Variants in TBC1D2B observed in about 807,000 individuals in gnomAD.
TBC1D2B encodes the protein TBC1 domain family member 2B, also known as TBC1 domain family, member 2B.
A neutral mutation model predicts 100.8 loss-of-function variants in TBC1D2B; 64 were observed. The observed-to-expected ratio is 0.64, with a 90% CI of 0.52 to 0.78. TBC1D2B has a LOEUF of 0.78. TBC1D2B is among the 30% of genes least tolerant of loss of function. The pLI is 0.00. For missense variants in TBC1D2B, 1,052 were observed against 1,218.4 expected (o/e 0.86, Z 2.03); for synonymous variants, 480 against 479.7 (o/e 1.00, Z -0.01).
chr15:78,054,562 C>T (rs1231304447), intron 1 of TBC1D2B, among the ~76,000 whole-genome samples: 1 of 152,182 alleles, frequency 6.6e-6, no homozygotes, highest in Non-Finnish European at 1.5e-5. Flanking sequence ...GACGGCCTTG[C>T]CAAATCACAT....
chr15:78,040,878 GAA>G (rs1239167237), intron 3 of TBC1D2B, among the ~76,000 whole-genome samples: 1 of 145,312 alleles, frequency 6.9e-6, no homozygotes, highest in African/African-American at 2.7e-5. Context: ...AAGAAAGAAA[GAA>G]AGAGAGAGAG....
intron 1 of TBC1D2B, among the ~76,000 whole-genome samples, chr15:78,056,912 C>A (rs1454312210): frequency 6.6e-6 from 1 of 152,092 alleles, no homozygotes; most frequent in Non-Finnish European, 1.5e-5. Flanking sequence ...CACAGGTGAG[C>A]TAAGCACCCT....
intron 2 of TBC1D2B, chr15:78,053,715 G>A (rs1355610614): frequency 1.3e-5 from 3 of 234,234 alleles, no homozygotes; most frequent in Non-Finnish European, 2.5e-5. Flanking sequence ...CTAGGCATGA[G>A]TGCTTCATCA....
intron 3 of TBC1D2B, chr15:78,034,352 G>T: frequency 7.2e-6 from 2 of 276,976 alleles, no homozygotes; most frequent in Non-Finnish European, 1.1e-5. Flanking sequence ...CTGGGACACC[G>T]CTGGACCCAC....
chr15:78,042,946 C>G (rs1288302730), intron 3 of TBC1D2B, among the ~76,000 whole-genome samples: 1 of 152,104 alleles, frequency 6.6e-6, no homozygotes, highest in African/African-American at 2.4e-5. Flanking sequence ...AGAGCAGGAC[C>G]AAGAAGGTGG....
At chr15:78,017,821 A>C (rs1360985412) in intron 7 of TBC1D2B, 26 bp downstream of exon 7, 11 of 1,460,740 alleles carry the variant, frequency 7.5e-6, no homozygotes, top group Non-Finnish European at 9.5e-6. Flanking sequence ...CCCACCAGGT[A>C]ATAGAATCCA....
rs1179004807 is a variant in TBC1D2B, at chr15:78,024,521, G to A, written c.1105C>T (p.Gln369Ter). The A allele has an allele frequency of 1.9e-6, 3 of 1,610,838 alleles. No individual in the cohort carries two copies. The highest frequency in any genetic ancestry group is 1.7e-5 in the Admixed American group (1 of 59,896). The change falls in exon 6 of 13, where the codon CAG becomes TAG. Residue 369 changes from glutamine (Q) to a stop codon, truncating the protein, a stop_gained. Coordinates refer to ENST00000300584, the MANE Select transcript of TBC1D2B (RefSeq NM_144572.2). LOFTEE classifies it high-confidence loss of function. ...TACTGGGATGACCGGACTGTCTGCT[G>A]GAGCAGTCGAACAAGCTCCTGGGAG... ...SSQKELVRLL[Q>*]QTVRSSQYDK... is the part of the protein sequence containing the mutation.
intron 1 of TBC1D2B, among the ~76,000 whole-genome samples, chr15:78,061,783 A>G (rs1398320592): frequency 6.6e-6 from 1 of 151,814 alleles, no homozygotes; most frequent in Non-Finnish European, 1.5e-5. Flanking sequence ...AAACCATTAA[A>G]TTAGAAAAAA....
intron 5 of TBC1D2B, 45 bp downstream of exon 5, chr15:78,025,214 G>T: frequency 1.3e-6 from 2 of 1,548,942 alleles, no homozygotes; most frequent in Non-Finnish European, 1.8e-6. Context: ...TCCCGTCCTT[G>T]GCCTGCTGAG....
intron 1 of TBC1D2B, among the ~76,000 whole-genome samples, chr15:78,076,759 T>C (rs1419602685): frequency 1.3e-5 from 2 of 152,122 alleles, no homozygotes; most frequent in African/African-American, 4.8e-5. Context: ...TCAAAAAGAA[T>C]AAATAAACAA....
chr15:78,014,597 G>C lies in TBC1D2B; in HGVS notation c.1776-1280C>G, dbSNP rs1241867486. Among the ~76,000 whole-genome samples, 4 of 152,310 alleles carry C rather than the reference G, an allele frequency of 2.6e-5. No individual in the cohort carries two copies. The East Asian group carries it at 7.7e-4, about 29-fold the overall frequency. On this transcript the variant is annotated intron_variant, in intron 8 of 12. Transcript: ENST00000300584. ...GATTCATACAATGATGTTCTACAAA[G>C]AAGGTAAACATGCTCAGTCGTGTGC...
intron 6 of TBC1D2B, among the ~76,000 whole-genome samples, chr15:78,021,297 A>G (rs1179051785): frequency 6.6e-6 from 1 of 151,762 alleles, no homozygotes; most frequent in East Asian, 1.9e-4. Flanking sequence ...AATTAAAAAT[A>G]TATAAAATAT....
At chr15:78,031,420 G>GT (rs937521251) in intron 3 of TBC1D2B, among the ~76,000 whole-genome samples, 1 of 151,944 alleles carries the variant, frequency 6.6e-6, no homozygotes, top group African/African-American at 2.4e-5. Flanking sequence ...TGGGTGTGGT[G>GT]GTGCACACCT....
rs551605595 is a variant in TBC1D2B, at chr15:77,997,340, A to G, written c.*820T>C. ...CACTGTTTACTTGGAATCCCATCCC[A>G]TCGTACTTGGTGAATGATTTCCACA... On this transcript the variant is annotated 3_prime_UTR_variant, in exon 13 of 13. Coordinates refer to ENST00000300584, the MANE Select transcript of TBC1D2B (RefSeq NM_144572.2). The G allele has an allele frequency of 2.0e-5, 3 of 152,364 alleles. No homozygotes were observed. The highest frequency in any genetic ancestry group is 2.9e-5 in the Non-Finnish European group (2 of 68,038). The allele number at this position is 152,364 out of a possible 1,614,324, so 9.4% of individuals were successfully genotyped here.
intron 4 of TBC1D2B, among the ~76,000 whole-genome samples, chr15:78,027,960 C>A (rs1355182880): frequency 6.6e-6 from 1 of 151,324 alleles, no homozygotes; most frequent in Non-Finnish European, 1.5e-5. Context: ...TCCTATGGAG[C>A]ACAGGTAAGC....
chr15:78,057,784 G>GA (rs967984210), intron 1 of TBC1D2B, among the ~76,000 whole-genome samples: 4 of 152,222 alleles, frequency 2.6e-5, no homozygotes, highest in Non-Finnish European at 5.9e-5. Flanking sequence ...GGCCTTTTCT[G>GA]AAGACAGCTG....
At chr15:78,075,109 C>A (rs964911262) in intron 1 of TBC1D2B, among the ~76,000 whole-genome samples, 21 of 151,564 alleles carry the variant, frequency 1.4e-4, no homozygotes, top group Admixed American at 1.4e-3. Context: ...GCAGCAGACT[C>A]CTGCTTCAAG....
chr15:78,057,493 A>T (rs767780229), intron 1 of TBC1D2B, among the ~76,000 whole-genome samples: 3 of 152,168 alleles, frequency 2.0e-5, no homozygotes, highest in Non-Finnish European at 4.4e-5. Context: ...AGTATTTTTA[A>T]AAATTAGCCA....
At chr15:78,045,804 G>A (rs28555436) in intron 2 of TBC1D2B, among the ~76,000 whole-genome samples, 1,560 of 152,250 alleles carry the variant, frequency 0.01, 29 homozygotes, top group African/African-American at 0.035. Flanking sequence ...TCAATGAAAC[G>A]AGGGGTAATT....
Sources: allele counts gnomAD v4.1 joint callset (sites outside exome capture counted in the v4.1 genomes callset), GRCh38; gene constraint gnomAD v4.1.1; transcripts MANE v1.5; gene names NCBI Gene and HGNC (gene_info 2026-07-23, HGNC 2026-07-21).